Variants in MICAL1 observed in about 807,000 individuals in gnomAD.
The protein encoded by MICAL1 is [F-actin]-monooxygenase MICAL1.
MICAL1 carries 95 observed loss-of-function variants against 131.8 expected under a neutral mutation model. That is an observed-to-expected ratio of 0.72 (90% CI 0.61 to 0.86). The LOEUF (loss-of-function observed/expected upper bound fraction) is 0.86. Among genes scored for constraint, MICAL1 ranks in the 40% least tolerant of loss-of-function variants. The pLI is 0.00. For missense variants in MICAL1, 1,292 were observed against 1,380.6 expected (o/e 0.94, Z 1.02); for synonymous variants, 546 against 554.2 (o/e 0.99, Z 0.21).
rs201086049 is a variant in MICAL1, at chr6:109,445,821, A to T, written c.2623T>A (p.Ser875Thr). 1 of 1,611,190 alleles carries T rather than the reference A, an allele frequency of 6.2e-7. No individual in the cohort carries two copies. Among genetic ancestry groups the T allele is most frequent in the East Asian group, 2.2e-5 (1 of 44,830 alleles). ...MEKEEKESPF[S>T]SEEEEEDVPL... ...ACATCTTCTTCTTCCTCTTCACTGG[A>T]GAAGGGACTCTCTTTTTCCTCCTTC... The change falls in exon 20 of 25, where the codon TCC (serine) becomes ACC (threonine). Residue 875 changes from serine (S) to threonine (T), a missense_variant. Transcript: ENST00000358807.
Position 109,444,209 on chromosome 6 carries a change from C to T in MICAL1, c.3186G>A (p.Gly1062=). 1.2e-6 allele frequency: 2 copies of T among 1,613,288 alleles called. No individual in the cohort carries two copies. Among genetic ancestry groups the T allele is most frequent in the Non-Finnish European group, 1.7e-6 (2 of 1,179,990 alleles). The change falls in exon 25 of 25, where the codon GGG becomes GGA. Residue 1062 remains glycine, a synonymous_variant. Transcript: ENST00000358807. ...EERRLSELAL[G]TGAQG ...CCCTCGTCTAGCCCTGGGCCCCTGT[C>T]CCCAAGGCCAGCTCGCTGAGCCTGC...
chr6:109,456,982 A>C (rs1775769257), upstream of MICAL1, among the ~76,000 whole-genome samples: 1 of 152,152 alleles, frequency 6.6e-6, no homozygotes, highest in African/African-American at 2.4e-5. Context: ...TTACACTGGA[A>C]GCACTAATAA....
rs1026525320 is a variant in MICAL1 at position 109,448,143 on chromosome 6, A to T, written c.1855+60T>A. 1.1e-3 allele frequency: 1,176 copies of T among 1,101,350 alleles called. 3 individuals are homozygous for T. Among genetic ancestry groups the T allele is most frequent in the Non-Finnish European group, 1.3e-3 (1,087 of 847,604 alleles). 68.2% of individuals were successfully genotyped at this position (1,101,350 alleles called of 1,614,324 possible). On this transcript the variant is annotated intron_variant, in intron 13 of 24. Coordinates refer to ENST00000358807, the MANE Select transcript of MICAL1 (RefSeq NM_022765.4). The stretch of plus-strand genomic sequence containing the variant: ...CGCCTTCTCCCTCTGTCACACACAC[A>T]CACACACACACACACACCTCCCCAT...
At chr6:109,458,986 G>A (rs1775827759), upstream of MICAL1, among the ~76,000 whole-genome samples, 1 of 152,214 alleles carries the variant, frequency 6.6e-6, no homozygotes, top group African/African-American at 2.4e-5. Flanking sequence ...GGACAGATGA[G>A]TACTCATGAA....
intron 20 of MICAL1, 99 bp from the exon 21 acceptor site, chr6:109,445,628 T>C (rs1775179052): frequency 2.6e-6 from 4 of 1,520,818 alleles, no homozygotes; most frequent in Non-Finnish European, 3.6e-6. Context: ...TGAAGTGGGG[T>C]AAGCTCTGGT....
chr6:109,457,092 C>A (rs1208132483), upstream of MICAL1, among the ~76,000 whole-genome samples: 2 of 152,076 alleles, frequency 1.3e-5, no homozygotes, highest in East Asian at 3.9e-4. Context: ...TTTTGCATTT[C>A]ATCTGGAAAA....
At chr6:109,445,570 C>T (rs41288550) in intron 20 of MICAL1, 41 bp from the exon 21 acceptor site, 67,650 of 1,604,978 alleles carry the variant, frequency 0.042, 1,876 homozygotes, top group East Asian at 0.11. Context: ...GGCCTGGGCC[C>T]CCTGGTGGAT....
chr6:109,465,807 G>A (rs1408099991), exon 1 of MICAL1: 1 of 1,613,992 alleles, frequency 6.2e-7, no homozygotes, highest in Non-Finnish European at 8.5e-7. Context: ...GTCAGAGCTG[G>A]CTTATAAGAA....
In MICAL1 at chr6:109,446,138, TGAG is replaced by T; in HGVS notation, c.2576_2578del (p.Pro859del). The T allele has an allele frequency of 6.5e-7, 1 of 1,542,720 alleles. No homozygotes were observed. ...GCACATCTGTGAGGATGGGTTACCT[TGAG>T]GGCTCTGGACTGGCAGGCCCCAGCC... On this transcript the variant is annotated inframe_deletion, in exon 19 of 25. Transcript: ENST00000358807.
Position 109,448,767 on chromosome 6 carries a change from C to T in MICAL1, c.1629G>A (p.Leu543=). ...GCTGCAGCCGGTACACCAGGGCACA[C>T]AGAGCTAGCCCATCAGCCCAGGAGG... The part of the protein sequence containing the change: ...LSSSWADGLA[L]CALVYRLQPG... Residue 543 remains leucine (L), a synonymous_variant, in exon 12 of 25, where the codon CTG becomes CTA. Coordinates refer to ENST00000358807, the MANE Select transcript of MICAL1 (RefSeq NM_022765.4). 6.2e-7 allele frequency: 1 copy of T among 1,614,086 alleles called. No individual in the cohort carries two copies. The highest frequency in any genetic ancestry group is 8.5e-7 in the Non-Finnish European group (1 of 1,179,986).
At chr6:109,458,822 G>C (rs1775818765), upstream of MICAL1, among the ~76,000 whole-genome samples, 1 of 152,168 alleles carries the variant, frequency 6.6e-6, no homozygotes, top group Admixed American at 6.5e-5. Flanking sequence ...CTGCAGGCCA[G>C]TATCTTCAAG....
chr6:109,449,181 C>A, intron 11 of MICAL1: 1 of 689,402 alleles, frequency 1.5e-6, no homozygotes, highest in Non-Finnish European at 2.6e-6. Flanking sequence ...AACGGTGGTT[C>A]AAACACTAAC....
upstream of MICAL1, among the ~76,000 whole-genome samples, chr6:109,457,102 A>G (rs919433534): frequency 6.6e-6 from 1 of 152,016 alleles, no homozygotes; most frequent in African/African-American, 2.4e-5. Context: ...CATCTGGAAA[A>G]TATCTGAGAC....
intron 24 of MICAL1, 59 bp downstream of exon 24, chr6:109,444,666 C>T (rs1775125832): frequency 6.3e-7 from 1 of 1,582,426 alleles, no homozygotes; most frequent in African/African-American, 1.3e-5. Context: ...TATCTGAGAT[C>T]ATGAGGCTTG....
At chr6:109,447,744 C>G (rs1448537703) in intron 14 of MICAL1, 22 bp from the exon 15 acceptor site, 4 of 1,614,092 alleles carry the variant, frequency 2.5e-6, no homozygotes, top group Admixed American at 3.3e-5. Flanking sequence ...CCTAACAGCT[C>G]TAAGTGTGAT....
At chr6:109,447,568 G>T in intron 15 of MICAL1, 113 bp downstream of exon 15, 1 of 1,538,454 alleles carries the variant, frequency 6.5e-7, no homozygotes, top group Non-Finnish European at 9.0e-7. Context: ...GGATGGGGGG[G>T]TTACAGGACC....
At chr6:109,456,796 C>T (rs1775763864), upstream of MICAL1, among the ~76,000 whole-genome samples, 1 of 152,172 alleles carries the variant, frequency 6.6e-6, no homozygotes, top group Admixed American at 6.5e-5. Context: ...TGCAACAGTC[C>T]CATTTTACCA....
chr6:109,448,083 T>G (rs1050959281), intron 13 of MICAL1, 120 bp from the exon 14 acceptor site: 324 of 1,257,826 alleles, frequency 2.6e-4, no homozygotes, highest in Non-Finnish European at 3.1e-4. Context: ...AGAGGGCGCC[T>G]TCTTCCTCTT....
At position 109,450,375 on chromosome 6, in the gene MICAL1, T is replaced by C. The variant is rs761772689; in HGVS notation, c.1116A>G (p.Ala372=). The C allele has an allele frequency of 2.5e-6, 4 of 1,613,190 alleles. No individual in the cohort carries two copies. In the East Asian group the frequency reaches 6.7e-5, roughly 27 times the overall value. Residue 372 remains alanine, a synonymous_variant, in exon 8 of 25, where the codon GCA becomes GCG. Transcript: ENST00000358807. Reference sequence around the variant, plus strand: ...TCTCTTGCACACGAGCAGAACTCTCTGCCCGCATCATGCTCGTGAAGTCAA... The same window carrying C: ...TCTCTTGCACACGAGCAGAACTCTCCGCCCGCATCATGCTCGTGAAGTCAA... ...SAFDFTSMMR[A]ESSARVQEKH...
Sources: allele counts gnomAD v4.1 joint callset (sites outside exome capture counted in the v4.1 genomes callset), GRCh38; gene constraint gnomAD v4.1.1; transcripts MANE v1.5; gene names NCBI Gene and HGNC (gene_info 2026-07-23, HGNC 2026-07-21).